The following KIF21B variants were observed in gnomAD, a reference collection of about 807,000 sequenced individuals.
The protein encoded by KIF21B is kinesin family member 21B, also known as kinesin-like protein KIF21B.
KIF21B carries 85 observed loss-of-function variants against 192.9 expected under a neutral mutation model. That is an observed-to-expected ratio of 0.44 (90% CI 0.37 to 0.53). KIF21B has a LOEUF of 0.53. KIF21B is among the 20% of genes least tolerant of loss of function. The probability of loss-of-function intolerance (pLI) is 0.00; values close to 1 mark genes in which losing one functional copy is unlikely to be tolerated. For missense variants in KIF21B, 1,716 were observed against 2,194.8 expected, an observed-to-expected ratio of 0.78 and a Z score of 4.36; for synonymous variants, 832 against 884.6, an observed-to-expected ratio of 0.94 and a Z score of 1.05.
Position 201,004,750 on chromosome 1 carries a change from C to A in KIF21B, c.900+16G>T, listed in dbSNP as rs60631345. ...GCTGTGTGGGTGCTGGGGCTGATGA[C>A]CCACCATGTGCCTACCAGGCCACAG... is the stretch of plus-strand genomic sequence containing the variant. On this transcript the variant is annotated intron_variant, in intron 6 of 34. Coordinates refer to ENST00000461742, the MANE Select transcript of KIF21B (RefSeq NM_001252102.2). 8.3e-4 allele frequency: 1,336 copies of A among 1,613,956 alleles called. 11 individuals carry two copies. The African/African-American group carries it at 0.015, about 19-fold the overall frequency.
At position 201,009,238 on chromosome 1, in the gene KIF21B, G is replaced by T. The variant is rs201337818; in HGVS notation, c.264+28C>A. 1.5e-4 allele frequency: 234 copies of T among 1,598,970 alleles called. No individual in the cohort carries two copies. The African/African-American group carries it at 2.8e-3, about 19-fold the overall frequency. On this transcript the variant is annotated intron_variant, in intron 2 of 34. Transcript: ENST00000461742. ...ATGCAGGGAGACCAAGGCTGGAGCC[G>T]CCATAGGTGGGCGTGAAGATGGCTT... is the stretch of plus-strand genomic sequence containing the variant.
At chr1:201,007,392 ACACACACGCAGACACC>A (rs1384123588) in intron 3 of KIF21B, among the ~76,000 whole-genome samples, 100 of 142,162 alleles carry the variant, frequency 7.0e-4, no homozygotes, top group African/African-American at 2.1e-3. Flanking sequence ...ACACACAGAC[ACACACACGCAGACACC>A]CACACACACA....
At position 201,003,594 on chromosome 1, in the gene KIF21B, A is replaced by ACTCCATCAG; in HGVS notation, c.1195_1203dup (p.Leu399_Glu401dup). ...CCCAGGAGCATGCTCACCGCCTTAT[A>ACTCCATCAG]CTCCATCAGCTCCATCTGCAGCCGA... On this transcript the variant is annotated inframe_insertion, in exon 8 of 35. Coordinates refer to ENST00000461742, the MANE Select transcript of KIF21B (RefSeq NM_001252102.2). 1 of 1,613,596 alleles carries ACTCCATCAG rather than the reference A, an allele frequency of 6.2e-7. No individual in the cohort carries two copies. The highest frequency in any genetic ancestry group is 8.5e-7 in the Non-Finnish European group (1 of 1,179,980).
At chr1:200,992,651 G>A (rs1656782437) in intron 15 of KIF21B, among the ~76,000 whole-genome samples, 1 of 152,248 alleles carries the variant, frequency 6.6e-6, no homozygotes. Flanking sequence ...GGGCCCAACT[G>A]TGGCCCTTGC....
chr1:200,975,530 T>C lies in KIF21B; in HGVS notation c.4583A>G (p.Lys1528Arg). The change falls in exon 33 of 35, where the codon AAG (lysine) becomes AGG (arginine). Residue 1528 changes from lysine (K) to arginine (R), a missense_variant. Around this residue, in one of 3 missense-constraint regions of KIF21B, gnomAD observed 580 missense variants for 775.5 expected, o/e 0.75. Coordinates refer to ENST00000461742, the MANE Select transcript of KIF21B (RefSeq NM_001252102.2). The surrounding 1 kb of genome is among the most constrained non-coding windows in gnomAD (Gnocchi z 4.3). The stretch of plus-strand genomic sequence containing the variant: ...GAGCTCCTGCTGGTCTAGGTCCCAC[T>C]TCTTGATGCCGTTATCTCGGGAGCC... Reference protein sequence around the residue: ...FSGSRDNGIKKWDLDQQELIQ... With the variant: ...FSGSRDNGIKRWDLDQQELIQ... 4 of 1,613,516 alleles carry C rather than the reference T, an allele frequency of 2.5e-6. No homozygotes were observed. The highest frequency in any genetic ancestry group is 3.4e-6 in the Non-Finnish European group (4 of 1,179,534).
rs1442901949 is a variant in KIF21B, at chr1:200,988,335, G to A, written c.3369C>T (p.Thr1123=). ...FSEGSFSQSF[T]MKGSTSHDDF... ...CGTCATGGCTGGTGGAGCCTTTCAT[G>A]GTGAATGACTGGGAGAAGCTGAGGA... Residue 1123 remains threonine (T), a synonymous_variant, in exon 24 of 35, where the codon ACC becomes ACT. Transcript: ENST00000461742. The A allele has an allele frequency of 1.2e-6, 2 of 1,614,130 alleles. No homozygotes were observed. The highest frequency in any genetic ancestry group is 1.7e-5 in the Admixed American group (1 of 60,026).
At chr1:200,983,442 G>A (rs1205384407) in intron 27 of KIF21B, among the ~76,000 whole-genome samples, 2 of 152,172 alleles carry the variant, frequency 1.3e-5, no homozygotes, top group Admixed American at 1.3e-4. Context: ...CATCGCACAA[G>A]CTGGGGGCAC....
chr1:200,984,822 C>T (rs750702598), intron 27 of KIF21B, 37 bp downstream of exon 27: 1 of 1,451,320 alleles, frequency 6.9e-7, no homozygotes, highest in Admixed American at 2.3e-5. Context: ...ATTGCCACCT[C>T]AGTGCCCTCC....
chr1:201,006,210 G>A (rs1657813240), intron 3 of KIF21B, among the ~76,000 whole-genome samples: 1 of 152,234 alleles, frequency 6.6e-6, no homozygotes, highest in Non-Finnish European at 1.5e-5. Context: ...CTTGGCAGCG[G>A]GTGGGCATGG....
intron 16 of KIF21B, among the ~76,000 whole-genome samples, chr1:200,992,024 C>G (rs1656733861): frequency 6.6e-6 from 1 of 152,262 alleles, no homozygotes; most frequent in Non-Finnish European, 1.5e-5. Context: ...CTGCACATTT[C>G]CAGCTTGCTG....
At chr1:201,010,915 C>G (rs1364876003) in intron 1 of KIF21B, among the ~76,000 whole-genome samples, 2 of 151,840 alleles carry the variant, frequency 1.3e-5, no homozygotes, top group Non-Finnish European at 2.9e-5. Flanking sequence ...GAAAGCCCAG[C>G]GGGGAGGGGT....
intron 1 of KIF21B, among the ~76,000 whole-genome samples, chr1:201,012,160 T>C (rs1658268934): frequency 6.6e-6 from 1 of 152,276 alleles, no homozygotes; most frequent in East Asian, 1.9e-4. Context: ...ATGAGGGTCT[T>C]TGTGGTCAGA....
intron 3 of KIF21B, 131 bp from the exon 4 acceptor site, chr1:201,005,825 T>G: frequency 1.1e-6 from 1 of 927,344 alleles, no homozygotes; most frequent in Non-Finnish European, 1.6e-6. Flanking sequence ...GGGTTTTGAA[T>G]CCCATGACCT....
intron 1 of KIF21B, among the ~76,000 whole-genome samples, chr1:201,011,872 T>C (rs1379308935): frequency 6.6e-6 from 1 of 152,308 alleles, no homozygotes; most frequent in East Asian, 1.9e-4. Flanking sequence ...ATGCTGATGA[T>C]TGGAGAAAAT....
At position 200,986,853 on chromosome 1, in the gene KIF21B, T is replaced by C; in HGVS notation, c.3680A>G (p.Gln1227Arg). Residue 1227 changes from glutamine (Q) to arginine (R), a missense_variant, in exon 26 of 35, where the codon CAG becomes CGG. Gln to Arg is a conservative substitution (Grantham distance 43). Transcript: ENST00000461742. Reference sequence around the variant, plus strand: ...TAGAACATGATCTCACCTAATGGGCTGCCCTCGGTCGTAGGACTTCCTTCT... The same window carrying C: ...TAGAACATGATCTCACCTAATGGGCCGCCCTCGGTCGTAGGACTTCCTTCT... ...LTRRKSYDRG[Q>R]PIRSTDVGFT... 6.2e-7 allele frequency: 1 copy of C among 1,613,290 alleles called. No homozygotes were observed. Among genetic ancestry groups the C allele is most frequent in the Non-Finnish European group, 8.5e-7 (1 of 1,179,534 alleles).
In KIF21B at chr1:200,991,699, C is replaced by T. The variant is rs747211824; in HGVS notation, c.2412G>A (p.Gln804=). Residue 804 remains glutamine (Q), a synonymous_variant, in exon 17 of 35, where the codon CAG becomes CAA. Transcript: ENST00000461742. ...TCAGGACCATCTCCTGCTGCCGCTTCTGGGACTCCAGAGCTCGGATCTGAA... is the reference window on the plus strand; with the variant it reads ...TCAGGACCATCTCCTGCTGCCGCTTTTGGGACTCCAGAGCTCGGATCTGAA... ...QEFQIRALES[Q]KRQQEMVLRR... is the part of the protein sequence containing the mutation. 2.4e-5 allele frequency: 38 copies of T among 1,614,078 alleles called. No homozygotes were observed. Among genetic ancestry groups the T allele is most frequent in the Non-Finnish European group, 3.1e-5 (36 of 1,180,052 alleles).
chr1:201,005,803 T>G, intron 3 of KIF21B, 109 bp from the exon 4 acceptor site: 1 of 1,206,416 alleles, frequency 8.3e-7, no homozygotes, highest in East Asian at 2.4e-5. Flanking sequence ...ACTGAGGCTG[T>G]GGGTCCCCTC....
chr1:201,008,718 TCCTGTTG>T (rs1454878762), intron 3 of KIF21B, 44 bp downstream of exon 3: 3 of 1,511,956 alleles, frequency 2.0e-6, no homozygotes, highest in Non-Finnish European at 2.7e-6. Context: ...GCTTCCATGG[TCCTGTTG>T]TCCACCAAGC....
In KIF21B at chr1:201,004,768, G is replaced by A. The variant is rs768781897; in HGVS notation, c.898C>T (p.Leu300=). Reference sequence around the variant, plus strand: ...CTGATGACCCACCATGTGCCTACCAGGCCACAGTTGATGGAGATGCCCTCC... The same window carrying A: ...CTGATGACCCACCATGTGCCTACCAAGCCACAGTTGATGGAGATGCCCTCC... ...AKEGISINCG[L]LALGNVISAL... Residue 300 remains leucine, a splice_region_variant and synonymous_variant, in exon 6 of 35, where the codon CTG becomes TTG. Transcript: ENST00000461742. 87 of 1,614,060 alleles carry A rather than the reference G, an allele frequency of 5.4e-5. No individual in the cohort carries two copies. In the Middle Eastern group the frequency reaches 1.7e-3, roughly 31 times the overall value.
Sources: allele counts gnomAD v4.1 joint callset (sites outside exome capture counted in the v4.1 genomes callset), GRCh38; gene constraint gnomAD v4.1.1; regional missense constraint gnomAD v4.1.1; non-coding constraint Gnocchi (gnomAD v3.1); transcripts MANE v1.5; gene names NCBI Gene and HGNC (gene_info 2026-07-23, HGNC 2026-07-21).